Variants in FLNB observed in about 807,000 individuals in gnomAD.
The protein encoded by FLNB is filamin B.
Under a neutral mutation model 250.6 loss-of-function variants are expected in FLNB, and 111 were observed. The ratio of observed to expected loss-of-function variants is 0.44; its 90% CI spans 0.38 to 0.52. FLNB has a LOEUF of 0.52. Ranked by LOEUF, FLNB falls within the 20% of genes least tolerant of loss-of-function variation. The pLI, the probability that FLNB is intolerant of heterozygous loss-of-function variation, is 0.00. For missense variants in FLNB, 2,869 were observed against 3,447.8 expected, an observed-to-expected ratio of 0.83 and a Z score of 4.20; for synonymous variants, 1,302 against 1,372.1, an observed-to-expected ratio of 0.95 and a Z score of 1.13.
chr3:58,061,649 C>T (rs927853948), intron 1 of FLNB, among the ~76,000 whole-genome samples: 2 of 151,276 alleles, frequency 1.3e-5, no homozygotes, highest in Admixed American at 6.6e-5. Flanking sequence ...GAAGCTGAGT[C>T]GGGAGCCTGA....
intron 1 of FLNB, among the ~76,000 whole-genome samples, chr3:58,018,608 C>T (rs920387459): frequency 5.9e-5 from 9 of 151,658 alleles, no homozygotes; most frequent in Admixed American, 2.0e-4. Flanking sequence ...CTCTGCCTCC[C>T]GGGTTCCAGC....
chr3:58,139,691 C>T (rs889793457), intron 29 of FLNB, among the ~76,000 whole-genome samples: 5 of 152,146 alleles, frequency 3.3e-5, no homozygotes, highest in African/African-American at 9.7e-5. Context: ...GAAAGAAATA[C>T]AGCTGGGAAG....
intron 1 of FLNB, among the ~76,000 whole-genome samples, chr3:58,041,369 C>T (rs983448316): frequency 6.6e-6 from 1 of 152,224 alleles, no homozygotes; most frequent in Non-Finnish European, 1.5e-5. Flanking sequence ...ATTGTCTCTT[C>T]CCGCTGAGCG....
intron 25 of FLNB, among the ~76,000 whole-genome samples, chr3:58,131,616 T>C (rs1480134120): frequency 6.6e-6 from 1 of 152,234 alleles, no homozygotes; most frequent in Non-Finnish European, 1.5e-5. Context: ...GCCAATGATA[T>C]GTTCTTGGAT....
At chr3:58,159,178 CTT>C (rs965575429) in intron 41 of FLNB, among the ~76,000 whole-genome samples, 2 of 152,128 alleles carry the variant, frequency 1.3e-5, no homozygotes, top group African/African-American at 4.8e-5. Flanking sequence ...GAGTGCATGA[CTT>C]TGTTAGCTGC....
chr3:58,149,919 A>T lies in FLNB; in HGVS notation c.6161A>T (p.Asp2054Val). The change falls in exon 37 of 46, where the codon GAT becomes GTT. Residue 2054 changes from aspartate to valine, a missense_variant. By Grantham distance (152) the Asp-to-Val change is radical. Coordinates refer to ENST00000295956, the MANE Select transcript of FLNB (RefSeq NM_001457.4). ...KVDIQTEDLEDGTCKVSYFPT... is the reference protein window; with the variant it reads ...KVDIQTEDLEVGTCKVSYFPT... ...GACATCCAGACGGAGGACCTGGAAG[A>T]TGGCACCTGCAAAGTCTCCTACTTC... The T allele has an allele frequency of 6.2e-7, 1 of 1,614,254 alleles. No individual in the cohort carries two copies. The highest frequency in any genetic ancestry group is 8.5e-7 in the Non-Finnish European group (1 of 1,180,042).
rs959318184 is a variant in FLNB, at chr3:58,134,908, A to T, written c.4671+136A>T. ...TGTTAGATTTTCCCACCAAAGAGTC[A>T]GTAAATGTGCAGAAGCAGAAGCAGC... is the stretch of plus-strand genomic sequence containing the variant. On this transcript the variant is annotated intron_variant, in intron 27 of 45. Coordinates refer to ENST00000295956, the MANE Select transcript of FLNB (RefSeq NM_001457.4). 4.9e-6 allele frequency: 4 copies of T among 819,182 alleles called. No homozygotes were observed. The African/African-American group carries it at 6.8e-5, about 14-fold the overall frequency. The allele number at this position is 819,182 out of a possible 1,614,324, so 50.7% of individuals were successfully genotyped here.
chr3:58,046,982 G>A (rs980172337), intron 1 of FLNB, among the ~76,000 whole-genome samples: 5 of 152,210 alleles, frequency 3.3e-5, no homozygotes, highest in African/African-American at 1.2e-4. Context: ...ACGGCCAAGT[G>A]TTGGAATGTG....
At chr3:58,102,910 C>T (rs1215132313) in intron 9 of FLNB, among the ~76,000 whole-genome samples, 2 of 152,152 alleles carry the variant, frequency 1.3e-5, no homozygotes, top group African/African-American at 2.4e-5. Context: ...ATTCTCTCTC[C>T]CTCTTTTGGG....
At chr3:58,038,011 CTTAT>C (rs1014755462) in intron 1 of FLNB, among the ~76,000 whole-genome samples, 4 of 151,786 alleles carry the variant, frequency 2.6e-5, no homozygotes, top group South Asian at 4.1e-4. Flanking sequence ...GAGGCCTGTT[CTTAT>C]TGTTTGTTTG....
Position 58,123,110 on chromosome 3 carries a change from C to T in FLNB, c.3144C>T (p.Pro1048=), listed in dbSNP as rs376519914. The part of the protein sequence containing the change: ...PDPSKVKAHG[P]GLEGGLVGKP... The stretch of plus-strand genomic sequence containing the variant: ...TCAAATAGGTGAAGGCCCACGGTCC[C>T]GGCCTCGAAGGTGGTCTCGTGGGCA... Residue 1048 remains proline (P), a synonymous_variant, in exon 21 of 46, where the codon CCC becomes CCT. Coordinates refer to ENST00000295956, the MANE Select transcript of FLNB (RefSeq NM_001457.4). The T allele has an allele frequency of 2.8e-5, 45 of 1,614,028 alleles. No homozygotes were observed. The highest frequency in any genetic ancestry group is 6.7e-5 in the African/African-American group (5 of 74,908).
chr3:58,077,444 A>C, intron 2 of FLNB, 150 bp downstream of exon 2: 1 of 1,021,634 alleles, frequency 9.8e-7, no homozygotes. Flanking sequence ...AAGGAAACTA[A>C]AACTGGCTCT....
chr3:58,047,214 A>T (rs1247740166), intron 1 of FLNB, among the ~76,000 whole-genome samples: 1 of 152,212 alleles, frequency 6.6e-6, no homozygotes, highest in Non-Finnish European at 1.5e-5. Flanking sequence ...TTGCCAAGAA[A>T]ATTAGTGCAT....
chr3:58,113,826 A>G (rs192744026), intron 18 of FLNB, among the ~76,000 whole-genome samples: 6 of 152,034 alleles, frequency 3.9e-5, no homozygotes, highest in Non-Finnish European at 5.9e-5. Context: ...TTACAGGCAC[A>G]TGCCACCACA....
intron 1 of FLNB, among the ~76,000 whole-genome samples, chr3:58,016,640 G>A (rs2097106199): frequency 1.3e-5 from 2 of 151,884 alleles, no homozygotes; most frequent in Admixed American, 1.3e-4. Context: ...GTCCCCTTGG[G>A]GTGGACATAC....
At position 58,142,342 on chromosome 3, in the gene FLNB, A is replaced by G. The variant is rs1474626759; in HGVS notation, c.5182-308A>G. Among the ~76,000 whole-genome samples, 4 of 152,208 alleles carry G rather than the reference A, an allele frequency of 2.6e-5. No homozygotes were observed. The highest frequency in any genetic ancestry group is 5.9e-5 in the Non-Finnish European group (4 of 68,030). Reference sequence around the variant, plus strand: ...GCCACAAGCAACTAAACCTTTCCAGATGGAGCCTCTTGGGACTCATAGACA... The same window carrying G: ...GCCACAAGCAACTAAACCTTTCCAGGTGGAGCCTCTTGGGACTCATAGACA... On this transcript the variant is annotated intron_variant, in intron 30 of 45. Coordinates refer to ENST00000295956, the MANE Select transcript of FLNB (RefSeq NM_001457.4). This position sits in a 1 kb window ranked among gnomAD's most constrained non-coding sequence, Gnocchi z 4.3.
At chr3:58,135,385 C>T (rs1387548622) in intron 27 of FLNB, among the ~76,000 whole-genome samples, 1 of 152,208 alleles carries the variant, frequency 6.6e-6, no homozygotes, top group South Asian at 2.1e-4. Flanking sequence ...CTTAAGGTCT[C>T]CTCCTGGACC....
At position 58,056,113 on chromosome 3, in the gene FLNB, T is replaced by A. The variant is rs527760432; in HGVS notation, c.293-20933T>A. 9.8e-3 allele frequency among the ~76,000 whole-genome samples: 1,289 copies of A among 131,588 alleles called. 12 individuals are homozygous for A. The highest frequency in any genetic ancestry group is 0.012 in the African/African-American group (302 of 24,716). The allele number at this position is 131,588 out of a possible 152,430, so 86.3% of individuals were successfully genotyped here. A position where few individuals can be genotyped will look rare whatever the true frequency, so the allele number is the denominator to read the frequency against. ...TATTTATTTATTTATTTATTTTTTT[T>A]TTTTTTGAGGTGGAGTCTCACTCTG... is the stretch of plus-strand genomic sequence containing the variant. On this transcript the variant is annotated intron_variant, in intron 1 of 45. Coordinates refer to ENST00000295956, the MANE Select transcript of FLNB (RefSeq NM_001457.4).
chr3:58,009,092 T>C lies in FLNB; in HGVS notation c.292+236T>C, dbSNP rs566343403. On this transcript the variant is annotated intron_variant, in intron 1 of 45. Coordinates refer to ENST00000295956, the MANE Select transcript of FLNB (RefSeq NM_001457.4). ...CCCCAGCAGTGCACCTTTGGCTGGC[T>C]AAGGGTTGAGGGTTTGGGCTGGGGT... 4.6e-5 allele frequency among the ~76,000 whole-genome samples: 7 copies of C among 152,306 alleles called. No individual in the cohort carries two copies. In the South Asian group the frequency reaches 1.5e-3, roughly 32 times the overall value.
Sources: allele counts gnomAD v4.1 joint callset (sites outside exome capture counted in the v4.1 genomes callset), GRCh38; gene constraint gnomAD v4.1.1; non-coding constraint Gnocchi (gnomAD v3.1); transcripts MANE v1.5; gene names NCBI Gene and HGNC (gene_info 2026-07-23, HGNC 2026-07-21).